TMEM132B: variants seen among roughly 807,000 people sequenced by gnomAD.
TMEM132B encodes the protein transmembrane protein 132B.
In TMEM132B, 18 loss-of-function variants were observed where a neutral mutation model predicts 90.8. The observed-to-expected ratio is 0.20, with a 90% CI of 0.14 to 0.29. The LOEUF is 0.29. Ranked by LOEUF, TMEM132B falls within the 10% of genes least tolerant of loss-of-function variation. The pLI is 1.00. For synonymous variants in TMEM132B, 504 were observed against 523.3 expected, an observed-to-expected ratio of 0.96 and a Z score of 0.50; for missense variants, 1,096 against 1,326.8, an observed-to-expected ratio of 0.83 and a Z score of 2.70.
intron 3 of TMEM132B, among the ~76,000 whole-genome samples, chr12:125,518,555 G>T (rs1486968584): frequency 1.3e-5 from 2 of 152,178 alleles, no homozygotes; most frequent in South Asian, 2.1e-4. Flanking sequence ...GATGGATCAG[G>T]GTCATTCACA....
chr12:125,646,319 A>C (rs1220370214), intron 6 of TMEM132B, among the ~76,000 whole-genome samples: 4 of 152,244 alleles, frequency 2.6e-5, no homozygotes, highest in African/African-American at 9.6e-5. Context: ...TGGAAGGGCT[A>C]TGAGACAAAA....
At chr12:125,568,234 CT>C (rs1456096296) in intron 4 of TMEM132B, among the ~76,000 whole-genome samples, 1 of 152,122 alleles carries the variant, frequency 6.6e-6, no homozygotes, top group Non-Finnish European at 1.5e-5. Flanking sequence ...TCCCTCTTCC[CT>C]TTTCTTTTTT....
chr12:125,591,351 C>T (rs976552837), intron 5 of TMEM132B, among the ~76,000 whole-genome samples: 10 of 151,920 alleles, frequency 6.6e-5, no homozygotes, highest in African/African-American at 2.4e-4. Context: ...GCTGTGAACC[C>T]TTCCTCAATT....
intron 1 of TMEM132B, among the ~76,000 whole-genome samples, chr12:125,256,527 A>T (rs1348796166): frequency 6.6e-6 from 1 of 152,218 alleles, no homozygotes. Context: ...CATCATTTAC[A>T]TATTATCTGC....
At chr12:125,400,280 G>A (rs1833119718) in intron 2 of TMEM132B, among the ~76,000 whole-genome samples, 1 of 152,240 alleles carries the variant, frequency 6.6e-6, no homozygotes, top group Non-Finnish European at 1.5e-5. Context: ...ATTAAACTGA[G>A]CAATGAGACG....
chr12:125,345,312 G>C (rs934849212), intron 1 of TMEM132B, among the ~76,000 whole-genome samples: 6 of 152,212 alleles, frequency 3.9e-5, no homozygotes, highest in African/African-American at 1.4e-4. Flanking sequence ...TCCCAGACAT[G>C]ACTGGAGCTA....
chr12:125,405,456 A>G (rs1879441999), intron 2 of TMEM132B, among the ~76,000 whole-genome samples: 1 of 152,206 alleles, frequency 6.6e-6, no homozygotes, highest in South Asian at 2.1e-4. Flanking sequence ...GGTTCTGGGT[A>G]GATATGAATC....
At chr12:125,273,017 A>G (rs12303422) in intron 1 of TMEM132B, among the ~76,000 whole-genome samples, 9,411 of 152,236 alleles carry the variant, frequency 0.062, 1,003 homozygotes, top group African/African-American at 0.21. Flanking sequence ...TTGTCTCTAT[A>G]TATGTAATTC....
At chr12:125,214,905 C>T (rs1873399764) in intron 1 of TMEM132B, among the ~76,000 whole-genome samples, 1 of 152,182 alleles carries the variant, frequency 6.6e-6, no homozygotes, top group Non-Finnish European at 1.5e-5. Context: ...CTTCCCTGCT[C>T]CTCTGTGCTC....
chr12:125,265,791 T>C (rs966321173), intron 1 of TMEM132B, among the ~76,000 whole-genome samples: 1 of 152,242 alleles, frequency 6.6e-6, no homozygotes, highest in Admixed American at 6.5e-5. Context: ...CTCATGTCTG[T>C]GCGGTTTATC....
At chr12:125,616,462 T>G (rs1263008888) in intron 5 of TMEM132B, among the ~76,000 whole-genome samples, 1 of 151,954 alleles carries the variant, frequency 6.6e-6, no homozygotes, top group Non-Finnish European at 1.5e-5. Flanking sequence ...AGAGAAGAGA[T>G]AGTAAATGTT....
At chr12:125,399,332 A>G (rs996442764) in intron 2 of TMEM132B, among the ~76,000 whole-genome samples, 2 of 152,142 alleles carry the variant, frequency 1.3e-5, no homozygotes, top group African/African-American at 4.8e-5. Flanking sequence ...ACTGTCACCA[A>G]ATGAGTGGCT....
At chr12:125,285,617 A>G (rs1016008490) in intron 1 of TMEM132B, among the ~76,000 whole-genome samples, 3 of 152,178 alleles carry the variant, frequency 2.0e-5, no homozygotes, top group African/African-American at 4.8e-5. Context: ...CCCAGTGTTC[A>G]CCAGGTGAGG....
At chr12:125,285,969 A>G (rs1565993059) in intron 1 of TMEM132B, among the ~76,000 whole-genome samples, 1 of 152,192 alleles carries the variant, frequency 6.6e-6, no homozygotes, top group Non-Finnish European at 1.5e-5. Flanking sequence ...GAGAGGCAAG[A>G]GCATTTCACT....
chr12:125,593,155 T>C (rs899885878), intron 5 of TMEM132B, among the ~76,000 whole-genome samples: 1 of 152,226 alleles, frequency 6.6e-6, no homozygotes, highest in Non-Finnish European at 1.5e-5. Flanking sequence ...AGTTTGGATG[T>C]TATTGCCTAA....
chr12:125,379,269 G>C (rs780262521), intron 2 of TMEM132B, among the ~76,000 whole-genome samples: 3 of 152,156 alleles, frequency 2.0e-5, no homozygotes, highest in Non-Finnish European at 4.4e-5. Flanking sequence ...GGGTATCCTG[G>C]GTTATCCAGG....
intron 4 of TMEM132B, among the ~76,000 whole-genome samples, chr12:125,547,975 A>G (rs189819999): frequency 5.3e-5 from 8 of 152,240 alleles, no homozygotes; most frequent in Admixed American, 5.2e-4. Context: ...TTTTTATCTG[A>G]TATTATCTGG....
rs1887197947 is a variant in TMEM132B, at chr12:125,661,148, TTTGAC to T, written c.*6441_*6445del. 1 of 152,244 alleles carries T rather than the reference TTTGAC, an allele frequency of 6.6e-6. No homozygotes were observed. The highest frequency in any genetic ancestry group is 6.5e-5 in the Admixed American group (1 of 15,288). The allele number at this position is 152,244 out of a possible 1,614,324, so 9.4% of individuals were successfully genotyped here. A position where few individuals can be genotyped will look rare whatever the true frequency, so the allele number is the denominator to read the frequency against. Reference sequence around the variant, plus strand: ...GTTATTGTTATCTCCTTTGTAAGAATTTGACTTTCTGAATGAAATAACAGAATGCC... The same window carrying T: ...GTTATTGTTATCTCCTTTGTAAGAATTTTCTGAATGAAATAACAGAATGCC... On this transcript the variant is annotated 3_prime_UTR_variant, in exon 9 of 9. Coordinates refer to ENST00000682704, the MANE Select transcript of TMEM132B (RefSeq NM_001366854.1).
chr12:125,518,063 G>T (rs556868613), intron 3 of TMEM132B, among the ~76,000 whole-genome samples: 3 of 152,310 alleles, frequency 2.0e-5, no homozygotes, highest in Non-Finnish European at 2.9e-5. Context: ...TAGGAAAAAG[G>T]TTGCCCATGA....
Sources: gnomAD v4.1 joint callset for allele counts (sites outside exome capture counted in the v4.1 genomes callset) on GRCh38, gnomAD v4.1.1 for gene constraint, MANE v1.5 for transcripts, NCBI Gene and HGNC (gene_info 2026-07-23, HGNC 2026-07-21) for gene names.